Variants in PDHX observed in about 807,000 individuals in gnomAD.
PDHX encodes pyruvate dehydrogenase complex component X, also known as pyruvate dehydrogenase protein X component, mitochondrial.
In PDHX, 33 loss-of-function variants were observed where a neutral mutation model predicts 55.3. The ratio of observed to expected loss-of-function variants is 0.60; its 90% CI spans 0.45 to 0.80. PDHX has a LOEUF of 0.80. Ranked by LOEUF, PDHX falls within the 30% of genes least tolerant of loss-of-function variation. The pLI is 0.00. For synonymous variants in PDHX, 226 were observed against 219.4 expected (o/e 1.03, Z -0.27); for missense variants, 622 against 619.9 (o/e 1.00, Z -0.04).
Position 34,966,679 on chromosome 11 carries a change from G to C in PDHX, c.681G>C (p.Lys227Asn). ...LKLVQLKQTG[K>N]ITESRPTPAP... Reference sequence around the variant, plus strand: ...TTGTCCAGTTGAAACAAACGGGCAAGATTACCGAGTCCAGACCAACTCCAG... The same window carrying C: ...TTGTCCAGTTGAAACAAACGGGCAACATTACCGAGTCCAGACCAACTCCAG... Residue 227 changes from lysine to asparagine, a missense_variant, in exon 6 of 11, where the codon AAG (lysine) becomes AAC (asparagine). Physicochemically the swap from Lys to Asn is moderately conservative, Grantham distance 94. Coordinates refer to ENST00000227868, the MANE Select transcript of PDHX (RefSeq NM_003477.3). 1.2e-6 allele frequency: 2 copies of C among 1,614,026 alleles called. No homozygotes were observed. Among genetic ancestry groups the C allele is most frequent in the Non-Finnish European group, 1.7e-6 (2 of 1,180,008 alleles).
intron 9 of PDHX, among the ~76,000 whole-genome samples, chr11:34,989,174 G>T (rs1371458927): frequency 2.0e-5 from 3 of 152,178 alleles, no homozygotes; most frequent in Non-Finnish European, 4.4e-5. Flanking sequence ...TGATACAATG[G>T]TACGTATTTG....
chr11:34,916,086 G>T (rs1373551559), upstream of PDHX: 4 of 1,108,176 alleles, frequency 3.6e-6, no homozygotes, highest in Non-Finnish European at 3.7e-6. Flanking sequence ...GTCGCGGTGC[G>T]CCGGGGTAGC....
intron 7 of PDHX, among the ~76,000 whole-genome samples, chr11:34,971,703 A>G (rs1397463565): frequency 2.0e-5 from 3 of 152,086 alleles, no homozygotes; most frequent in African/African-American, 7.2e-5. Context: ...GAATCTTTAC[A>G]CCTATGCCCA....
At chr11:34,990,249 G>A (rs945210252) in intron 9 of PDHX, among the ~76,000 whole-genome samples, 1 of 152,154 alleles carries the variant, frequency 6.6e-6, no homozygotes, top group Admixed American at 6.5e-5. Context: ...CAAGGCATTC[G>A]ATGTATTGTA....
intron 2 of PDHX, among the ~76,000 whole-genome samples, chr11:34,939,793 C>G (rs943845743): frequency 1.3e-5 from 2 of 151,948 alleles, no homozygotes; most frequent in Admixed American, 1.3e-4. Context: ...TTTATAATGA[C>G]TATTAGAGTA....
chr11:34,978,135 G>C lies in PDHX; in HGVS notation c.976G>C (p.Val326Leu), dbSNP rs35560997. ...RQDLVKDDIKVSVNDFIIKAA... is the reference protein window; with the variant it reads ...RQDLVKDDIKLSVNDFIIKAA... Reference sequence around the variant, plus strand: ...TATTTTTCTTTCAGATGACATTAAAGTATCAGTAAATGATTTTATCATCAA... The same window carrying C: ...TATTTTTCTTTCAGATGACATTAAACTATCAGTAAATGATTTTATCATCAA... The change falls in exon 8 of 11, where the codon GTA (valine) becomes CTA (leucine). Residue 326 changes from valine (V) to leucine (L), a missense_variant. Transcript: ENST00000227868. 6.9e-3 allele frequency: 10,684 copies of C among 1,551,262 alleles called. 46 individuals carry two copies. The highest frequency in any genetic ancestry group is 8.2e-3 in the Non-Finnish European group (9,171 of 1,123,544).
intron 7 of PDHX, among the ~76,000 whole-genome samples, chr11:34,976,972 T>C (rs944748368): frequency 2.6e-5 from 4 of 152,194 alleles, no homozygotes; most frequent in Non-Finnish European, 5.9e-5. Context: ...TGGTTATCAT[T>C]AAAAGCTTGT....
At chr11:34,931,570 T>C (rs1337962436) in intron 2 of PDHX, 86 bp downstream of exon 2, 11 of 733,300 alleles carry the variant, frequency 1.5e-5, no homozygotes, top group Admixed American at 2.2e-5. Context: ...TGTCCTGTTA[T>C]ACAGTATGTG....
At chr11:34,977,606 T>C (rs1176193847) in intron 7 of PDHX, among the ~76,000 whole-genome samples, 2 of 152,114 alleles carry the variant, frequency 1.3e-5, no homozygotes, top group East Asian at 3.8e-4. Context: ...AAAAAGAAAT[T>C]TTCGAACACT....
Position 34,916,749 on chromosome 11 carries a change from G to T in PDHX, c.94G>T (p.Ala32Ser). The change falls in exon 1 of 11, where the codon GCT becomes TCT. Residue 32 changes from alanine (A) to serine (S), a missense_variant. By Grantham distance (99) the Ala-to-Ser change is moderately conservative. Coordinates refer to ENST00000227868, the MANE Select transcript of PDHX (RefSeq NM_003477.3). ...GRRSVGLVKG[A>S]LGWSVSRGAN... ...CCGAAGCGTAGGGCTGGTGAAGGGG[G>T]CTCTTGGGTGGTCTGTAAGCCGCGG... 1 of 1,612,752 alleles carries T rather than the reference G, an allele frequency of 6.2e-7. No individual in the cohort carries two copies. Among genetic ancestry groups the T allele is most frequent in the Non-Finnish European group, 8.5e-7 (1 of 1,179,576 alleles).
At chr11:34,925,662 T>C (rs993537450) in intron 1 of PDHX, among the ~76,000 whole-genome samples, 1 of 152,236 alleles carries the variant, frequency 6.6e-6, no homozygotes, top group Admixed American at 6.5e-5. Flanking sequence ...GAATGACTAC[T>C]ATTGTCATTT....
intron 3 of PDHX, among the ~76,000 whole-genome samples, chr11:34,949,990 C>T (rs1666758751): frequency 6.6e-6 from 1 of 151,966 alleles, no homozygotes; most frequent in Non-Finnish European, 1.5e-5. Context: ...CATCTGAATA[C>T]TAAAAATAGC....
At chr11:34,949,930 C>A (rs1259874648) in intron 3 of PDHX, among the ~76,000 whole-genome samples, 1 of 151,902 alleles carries the variant, frequency 6.6e-6, no homozygotes. Context: ...AAAATAGCAT[C>A]CATGGATATT....
At chr11:34,981,936 T>A (rs1337291433) in intron 8 of PDHX, among the ~76,000 whole-genome samples, 1 of 152,218 alleles carries the variant, frequency 6.6e-6, no homozygotes, top group Non-Finnish European at 1.5e-5. Context: ...AAAAATGTTT[T>A]CCCATTCTGT....
intron 7 of PDHX, chr11:34,977,889 T>G (rs1177471811): frequency 1.8e-6 from 1 of 560,150 alleles, no homozygotes; most frequent in Non-Finnish European, 3.4e-6. Flanking sequence ...TTTAAAAAAT[T>G]GATAACCAAG....
chr11:34,939,597 C>T (rs760550481), intron 2 of PDHX, among the ~76,000 whole-genome samples: 1 of 152,080 alleles, frequency 6.6e-6, no homozygotes, highest in Non-Finnish European at 1.5e-5. Flanking sequence ...TTTGGGGTTC[C>T]TCCTCTGCCA....
At chr11:34,982,305 T>C (rs1855533775) in intron 8 of PDHX, among the ~76,000 whole-genome samples, 1 of 152,194 alleles carries the variant, frequency 6.6e-6, no homozygotes, top group Admixed American at 6.5e-5. Context: ...AAAGATCAGA[T>C]GGTTGTAGAT....
intron 2 of PDHX, among the ~76,000 whole-genome samples, chr11:34,942,301 G>GT (rs1342746387): frequency 6.6e-6 from 1 of 152,196 alleles, no homozygotes; most frequent in African/African-American, 2.4e-5. Context: ...TGGAATAAAT[G>GT]TGTCTTGATT....
chr11:34,984,945 A>G (rs1855608662), intron 9 of PDHX: 16 of 504,666 alleles, frequency 3.2e-5, no homozygotes, highest in Middle Eastern at 5.6e-4. Context: ...AAAAATTAAG[A>G]GATAATATAT....
Sources: allele counts gnomAD v4.1 joint callset (sites outside exome capture counted in the v4.1 genomes callset), GRCh38; gene constraint gnomAD v4.1.1; transcripts MANE v1.5; gene names NCBI Gene and HGNC (gene_info 2026-07-23, HGNC 2026-07-21).